Variants in SMG6 observed in about 807,000 individuals in gnomAD.
SMG6 encodes telomerase-binding protein EST1A.
Under a neutral mutation model 142.2 loss-of-function variants are expected in SMG6, and 66 were observed. The observed-to-expected ratio is 0.46, with a 90% CI of 0.38 to 0.57. The LOEUF (loss-of-function observed/expected upper bound fraction) is 0.57, where lower values mean the gene tolerates loss of function less well. SMG6 is among the 20% of genes least tolerant of loss of function. The pLI, the probability that SMG6 is intolerant of heterozygous loss-of-function variation, is 0.00. For synonymous variants in SMG6, 779 were observed against 702.4 expected (o/e 1.11, Z -1.72); for missense variants, 1,793 against 1,832.0 (o/e 0.98, Z 0.39).
At chr17:2,290,049 G>A (rs2074997981) in intron 6 of SMG6, among the ~76,000 whole-genome samples, 1 of 151,324 alleles carries the variant, frequency 6.6e-6, no homozygotes, top group Non-Finnish European at 1.5e-5. Context: ...CACATCATTA[G>A]TTGCTAGGAG....
chr17:2,288,503 T>C (rs1048252717), intron 6 of SMG6, among the ~76,000 whole-genome samples: 1 of 151,172 alleles, frequency 6.6e-6, no homozygotes, highest in African/African-American at 2.4e-5. Context: ...GCGCCTGTGG[T>C]CCCAGCTACT....
intron 13 of SMG6, among the ~76,000 whole-genome samples, chr17:2,123,643 A>G (rs1037907128): frequency 2.0e-5 from 3 of 152,204 alleles, no homozygotes; most frequent in East Asian, 3.9e-4. Flanking sequence ...GCTCTCATTC[A>G]TAAGACTACT....
intron 10 of SMG6, chr17:2,232,856 A>T (rs2073538392): frequency 6.6e-6 from 1 of 152,202 alleles, no homozygotes; most frequent in Non-Finnish European, 1.5e-5. Context: ...CCAAGAGCAG[A>T]GTGGGCTCCT....
intron 13 of SMG6, among the ~76,000 whole-genome samples, chr17:2,162,182 C>G (rs1343353326): frequency 6.6e-6 from 1 of 152,028 alleles, no homozygotes. Context: ...AAGTACATTA[C>G]AAAACAAAAC....
chr17:2,140,772 C>T (rs2070453455), intron 13 of SMG6, among the ~76,000 whole-genome samples: 3 of 151,878 alleles, frequency 2.0e-5, no homozygotes, highest in Admixed American at 2.0e-4. Flanking sequence ...AAAAAAAAAG[C>T]CATTGAAGCT....
At chr17:2,270,232 C>T (rs1445078959) in intron 8 of SMG6, among the ~76,000 whole-genome samples, 3 of 152,108 alleles carry the variant, frequency 2.0e-5, no homozygotes, top group Non-Finnish European at 4.4e-5. Context: ...GGTGAATATA[C>T]CAGTGTGTAT....
chr17:2,123,557 C>T (rs1341170855), intron 13 of SMG6, among the ~76,000 whole-genome samples: 2 of 152,228 alleles, frequency 1.3e-5, no homozygotes, highest in Non-Finnish European at 2.9e-5. Context: ...CCCACCTATA[C>T]ACTTCTGCCC....
At chr17:2,230,598 C>A (rs982820436) in intron 10 of SMG6, among the ~76,000 whole-genome samples, 1 of 152,116 alleles carries the variant, frequency 6.6e-6, no homozygotes, top group African/African-American at 2.4e-5. Context: ...AAAACAAGGA[C>A]CCTGGAACCC....
intron 10 of SMG6, among the ~76,000 whole-genome samples, chr17:2,192,257 G>T (rs750333228): frequency 1.3e-5 from 2 of 152,240 alleles, no homozygotes; most frequent in Non-Finnish European, 2.9e-5. Context: ...TTGCCATCAG[G>T]GAGAGATTTG....
At chr17:2,127,709 T>G in intron 13 of SMG6, 1 of 566,662 alleles carries the variant, frequency 1.8e-6, no homozygotes, top group South Asian at 1.4e-5. Context: ...GTTCGGACTT[T>G]AATCACTTCA....
chr17:2,127,434 C>G (rs938122055), intron 13 of SMG6: 51 of 818,728 alleles, frequency 6.2e-5, no homozygotes, highest in Admixed American at 1.8e-5. Context: ...ATTAGATCCA[C>G]AGGTGATAAA....
chr17:2,238,276 T>C (rs755890310), intron 9 of SMG6, among the ~76,000 whole-genome samples: 4 of 152,234 alleles, frequency 2.6e-5, no homozygotes, highest in Non-Finnish European at 1.5e-5. Flanking sequence ...CTCATTTTCA[T>C]TGGCACAAAA....
intron 15 of SMG6, chr17:2,072,786 A>C (rs2068141456): frequency 6.6e-6 from 1 of 152,158 alleles, no homozygotes; most frequent in Non-Finnish European, 1.5e-5. Context: ...CCTTCCCTCT[A>C]CAGGGTGAAG....
In SMG6 at chr17:2,300,346, T is replaced by C. The variant is rs776787703; in HGVS notation, c.407A>G (p.Lys136Arg). 1.8e-5 allele frequency: 29 copies of C among 1,613,922 alleles called. No individual in the cohort carries two copies. The highest frequency in any genetic ancestry group is 3.3e-5 in the Admixed American group (2 of 60,022). The change falls in exon 2 of 19, where the codon AAA becomes AGA. Residue 136 changes from lysine (K) to arginine (R), a missense_variant. Lys to Arg is a conservative substitution (Grantham distance 26, BLOSUM62 2). Around this residue, in one of 3 missense-constraint regions of SMG6, gnomAD observed 1,597 missense variants for 1,584.6 expected, o/e 1.01. Transcript: ENST00000263073. ...CTGCAGGTCGGGTTTCTTTGTTCTTTTGATAATTTTTAGACTACGATCCTC... is the reference window on the plus strand; with the variant it reads ...CTGCAGGTCGGGTTTCTTTGTTCTTCTGATAATTTTTAGACTACGATCCTC... ...GQEDRSLKIIKRTKKPDLQIY... is the reference protein window; with the variant it reads ...GQEDRSLKIIRRTKKPDLQIY...
intron 13 of SMG6, among the ~76,000 whole-genome samples, chr17:2,129,207 T>C (rs538980972): frequency 7.9e-5 from 12 of 152,074 alleles, no homozygotes; most frequent in South Asian, 2.1e-4. Context: ...ATGCCCATAG[T>C]CTCAGTTACT....
At chr17:2,126,168 G>A (rs2069870571) in intron 13 of SMG6, among the ~76,000 whole-genome samples, 1 of 151,784 alleles carries the variant, frequency 6.6e-6, no homozygotes, top group Admixed American at 6.6e-5. Flanking sequence ...TTTTGACAAG[G>A]GTGTCAAGAC....
At chr17:2,231,129 C>A (rs780223969) in intron 10 of SMG6, among the ~76,000 whole-genome samples, 1 of 152,110 alleles carries the variant, frequency 6.6e-6, no homozygotes, top group African/African-American at 2.4e-5. Context: ...AAGAGACTCA[C>A]GACAGAAGTG....
At chr17:2,093,346 C>T (rs2068773879) in intron 13 of SMG6, among the ~76,000 whole-genome samples, 1 of 151,948 alleles carries the variant, frequency 6.6e-6, no homozygotes, top group African/African-American at 2.4e-5. Flanking sequence ...TTGCTTGAGC[C>T]GGGGAAGTCA....
At chr17:2,195,631 A>G (rs1357194432) in intron 10 of SMG6, among the ~76,000 whole-genome samples, 2 of 152,246 alleles carry the variant, frequency 1.3e-5, no homozygotes, top group African/African-American at 4.8e-5. Context: ...CATGAATGAC[A>G]TGATTCCACT....
Sources: allele counts gnomAD v4.1 joint callset (sites outside exome capture counted in the v4.1 genomes callset), GRCh38; gene constraint gnomAD v4.1.1; regional missense constraint gnomAD v4.1.1; transcripts MANE v1.5; gene names NCBI Gene and HGNC (gene_info 2026-07-23, HGNC 2026-07-21).